DMTN: variants seen among roughly 807,000 people sequenced by gnomAD.
The protein encoded by DMTN is dematin actin binding protein, also known as dematin.
In DMTN, 27 loss-of-function variants were observed where a neutral mutation model predicts 59.4. That is an observed-to-expected ratio of 0.45 (90% CI 0.33 to 0.63). The LOEUF is 0.63. DMTN is among the 20% of genes least tolerant of loss of function. The probability of loss-of-function intolerance (pLI) is 0.02; values close to 1 mark genes in which losing one functional copy is unlikely to be tolerated. For missense variants in DMTN, 451 were observed against 528.9 expected (o/e 0.85, Z 1.45); for synonymous variants, 221 against 203.7 (o/e 1.08, Z -0.72).
At chr8:22,068,847 G>T (rs1238830425) in intron 4 of DMTN, among the ~76,000 whole-genome samples, 169 bp from the exon 5 acceptor site, 1 of 152,150 alleles carries the variant, frequency 6.6e-6, no homozygotes, top group African/African-American at 2.4e-5. Context: ...GGAAGGCTGA[G>T]GACTTTGTGC....
chr8:22,069,600 C>G (rs987213301), intron 6 of DMTN, 82 bp downstream of exon 6: 5 of 1,221,372 alleles, frequency 4.1e-6, no homozygotes, highest in African/African-American at 1.5e-5. Flanking sequence ...CAGTCCCCCA[C>G]TCTCTGGGGT....
chr8:22,052,243 C>T (rs767485593), upstream of DMTN, among the ~76,000 whole-genome samples: 7 of 152,228 alleles, frequency 4.6e-5, no homozygotes, highest in Admixed American at 2.0e-4. Context: ...GTCATGATTC[C>T]GCTAAATAGC....
intron 6 of DMTN, among the ~76,000 whole-genome samples, 176 bp downstream of exon 6, chr8:22,069,694 C>T (rs1229719327): frequency 6.6e-6 from 1 of 152,138 alleles, no homozygotes; most frequent in Non-Finnish European, 1.5e-5. Context: ...TTCTCTCTCC[C>T]CCAGCCGGAA....
chr8:22,059,343 G>A (rs1234628118), intron 1 of DMTN: 1 of 152,254 alleles, frequency 6.6e-6, no homozygotes, highest in African/African-American at 2.4e-5. Context: ...GACTTGCCTC[G>A]TTTCATAATT....
At chr8:22,064,557 C>G (rs1338283436) in intron 1 of DMTN, among the ~76,000 whole-genome samples, 2 of 152,110 alleles carry the variant, frequency 1.3e-5, no homozygotes, top group African/African-American at 4.8e-5. Context: ...CTCCTGGGTT[C>G]ATGCCATTCT....
At chr8:22,068,815 G>T (rs372048001) in intron 4 of DMTN, among the ~76,000 whole-genome samples, 1 of 152,126 alleles carries the variant, frequency 6.6e-6, no homozygotes. Context: ...CAAGGCTCGC[G>T]TGCTTCTCTG....
intron 1 of DMTN, among the ~76,000 whole-genome samples, chr8:22,066,058 A>G (rs7825109): frequency 1 from 151,554 of 152,196 alleles, 75,458 homozygotes; most frequent in Middle Eastern, 1. Context: ...TGTCCATCCT[A>G]GTCTCGAACG....
chr8:22,080,458 C>T lies in DMTN; in HGVS notation c.947C>T (p.Pro316Leu). Reference sequence around the variant, plus strand: ...CCATCAGGGAGTGAGACTGGAAGCCCAGGTGAGAAGTGGGGCCTGGTGCCG... The same window carrying T: ...CCATCAGGGAGTGAGACTGGAAGCCTAGGTGAGAAGTGGGGCCTGGTGCCG... ...FSPSGSETGSPGLQNGEGQRG... is the reference protein window; with the variant it reads ...FSPSGSETGSLGLQNGEGQRG... Residue 316 changes from proline to leucine, a missense_variant and splice_region_variant, in exon 12 of 16, where the codon CCA becomes CTA. By Grantham distance (98) the Pro-to-Leu change is moderately conservative (BLOSUM62 -3). Coordinates refer to ENST00000358242, the MANE Select transcript of DMTN (RefSeq NM_001387751.1). The T allele has an allele frequency of 6.2e-7, 1 of 1,614,224 alleles. No individual in the cohort carries two copies. Among genetic ancestry groups the T allele is most frequent in the Non-Finnish European group, 8.5e-7 (1 of 1,180,046 alleles).
Position 22,058,176 on chromosome 8 carries a change from C to T in DMTN, c.-172+1040C>T, listed in dbSNP as rs1185129848. On this transcript the variant is annotated intron_variant, in intron 1 of 15. Transcript: ENST00000358242. The surrounding 1 kb of genome is among the most constrained non-coding windows in gnomAD (Gnocchi z 4.3). Reference sequence around the variant, plus strand: ...CGTCCTGCAACGGTTTCAGCGCGGGCGCTTCTGCCTGTGCCCACCTGTCCA... The same window carrying T: ...CGTCCTGCAACGGTTTCAGCGCGGGTGCTTCTGCCTGTGCCCACCTGTCCA... 1.3e-5 allele frequency among the ~76,000 whole-genome samples: 2 copies of T among 152,158 alleles called. No individual in the cohort carries two copies. Among genetic ancestry groups the T allele is most frequent in the Non-Finnish European group, 1.5e-5 (1 of 67,988 alleles).
intron 10 of DMTN, among the ~76,000 whole-genome samples, chr8:22,078,798 G>GTTTTTTTTT (rs1224977627): frequency 0.037 from 3,157 of 84,930 alleles, 311 homozygotes; most frequent in East Asian, 0.069. Context: ...ATGTCAGACT[G>GTTTTTTTTT]TTTTTTTTTT....
intron 10 of DMTN, among the ~76,000 whole-genome samples, chr8:22,074,197 T>C: frequency 6.6e-6 from 1 of 152,122 alleles, no homozygotes; most frequent in South Asian, 2.1e-4. Context: ...GTGATCAAGG[T>C]GCGCGGGGTG....
Position 22,060,675 on chromosome 8 carries a change from C to G in DMTN, c.-172+3539C>G, listed in dbSNP as rs2130520941. Among the ~76,000 whole-genome samples the G allele has an allele frequency of 6.6e-6, 1 of 152,366 alleles. No individual in the cohort carries two copies. Among genetic ancestry groups the G allele is most frequent in the South Asian group, 2.1e-4 (1 of 4,832 alleles). ...GGGGGTGGCACCAGGGTGCAGGGCC[C>G]TGGCTGACCCCAGGAAGCAGACCCA... On this transcript the variant is annotated intron_variant, in intron 1 of 15. Coordinates refer to ENST00000358242, the MANE Select transcript of DMTN (RefSeq NM_001387751.1). This position sits in a 1 kb window ranked among gnomAD's most constrained non-coding sequence, Gnocchi z 5.0.
chr8:22,082,188 C>T lies in DMTN; in HGVS notation c.*725C>T, dbSNP rs1174245723. 4.4e-6 allele frequency: 2 copies of T among 456,802 alleles called. No individual in the cohort carries two copies. Among genetic ancestry groups the T allele is most frequent in the Non-Finnish European group, 8.8e-6 (2 of 227,010 alleles). 28.3% of individuals were successfully genotyped at this position (456,802 alleles called of 1,614,324 possible). A position where few individuals can be genotyped will look rare whatever the true frequency, so the allele number is the denominator to read the frequency against. ...ACCGGGCAGAAGCTGGGCCTTCCGC[C>T]TCCCTTGGATGGGGTCAAGAGGCCA... is the stretch of plus-strand genomic sequence containing the variant. On this transcript the variant is annotated 3_prime_UTR_variant, in exon 16 of 16. Transcript: ENST00000358242.
At chr8:22,078,940 G>T (rs942400773) in intron 10 of DMTN, among the ~76,000 whole-genome samples, 2 of 151,654 alleles carry the variant, frequency 1.3e-5, no homozygotes, top group East Asian at 1.9e-4. Flanking sequence ...GGGACTACAG[G>T]TGCCTGCTAC....
intron 10 of DMTN, among the ~76,000 whole-genome samples, chr8:22,079,302 T>TATATATATATATA (rs1491109949): frequency 4.5e-4 from 7 of 15,536 alleles, no homozygotes; most frequent in African/African-American, 8.7e-4. Context: ...ATATATATAT[T>TATATATATATATA]AGCTGGGTTT....
intron 8 of DMTN, among the ~76,000 whole-genome samples, chr8:22,070,716 G>A (rs59328596): frequency 0.23 from 34,460 of 152,124 alleles, 5,170 homozygotes; most frequent in African/African-American, 0.43. Context: ...GGGTACAGGT[G>A]TAATTGGTTA....
intron 8 of DMTN, 84 bp downstream of exon 8, chr8:22,070,418 C>T (rs1386322805): frequency 2.0e-6 from 3 of 1,477,608 alleles, no homozygotes; most frequent in Non-Finnish European, 2.7e-6. Context: ...GTCCGTGAAC[C>T]CACTCCCACC....
rs1372140981 is a variant in DMTN at position 22,060,978 on chromosome 8, T to C, written c.-172+3842T>C. ...ACAAGATTGGAATGTAAGGGTTAAA[T>C]TGAAACAAAGATGGGCTGGGCAGGG... On this transcript the variant is annotated intron_variant, in intron 1 of 15. Coordinates refer to ENST00000358242, the MANE Select transcript of DMTN (RefSeq NM_001387751.1). This position sits in a 1 kb window ranked among gnomAD's most constrained non-coding sequence, Gnocchi z 5.0. 6.6e-6 allele frequency among the ~76,000 whole-genome samples: 1 copy of C among 152,038 alleles called. No homozygotes were observed. Among genetic ancestry groups the C allele is most frequent in the Non-Finnish European group, 1.5e-5 (1 of 68,004 alleles).
chr8:22,079,452 A>AAAAT (rs1457255889), intron 10 of DMTN, among the ~76,000 whole-genome samples: 1 of 151,330 alleles, frequency 6.6e-6, no homozygotes, highest in East Asian at 1.9e-4. Flanking sequence ...CCCCATCTCA[A>AAAAT]AAATAAATAA....
Sources: allele counts gnomAD v4.1 joint callset (sites outside exome capture counted in the v4.1 genomes callset), GRCh38; gene constraint gnomAD v4.1.1; non-coding constraint Gnocchi (gnomAD v3.1); transcripts MANE v1.5; gene names NCBI Gene and HGNC (gene_info 2026-07-23, HGNC 2026-07-21).